Variants in PREPL observed in about 807,000 individuals in gnomAD.
PREPL encodes the protein prolyl endopeptidase-like.
A neutral mutation model predicts 70.6 loss-of-function variants in PREPL; 77 were observed. That is an observed-to-expected ratio of 1.09 (90% confidence interval 0.91 to 1.32). The LOEUF is 1.32. Among genes scored for constraint, PREPL ranks in the 40% most tolerant of loss-of-function variants. PREPL has a pLI of 0.00. For missense variants in PREPL, 1,002 were observed against 778.2 expected (o/e 1.29, Z -3.42); for synonymous variants, 315 against 264.8 (o/e 1.19, Z -1.84).
chr2:44,329,800 T>A (rs1673905507), intron 8 of PREPL, among the ~76,000 whole-genome samples: 2 of 152,196 alleles, frequency 1.3e-5, no homozygotes, highest in South Asian at 2.1e-4. Flanking sequence ...CTCAAACTCA[T>A]CAGTTCCAGT....
At position 44,329,059 on chromosome 2, in the gene PREPL, C is replaced by A. The variant is rs779284448; in HGVS notation, c.1140G>T (p.Leu380Phe). The A allele has an allele frequency of 2.5e-6, 4 of 1,612,064 alleles. No individual in the cohort carries two copies. In the South Asian group the frequency reaches 3.3e-5, roughly 13 times the overall value. ...TVFHKTDSED[L>F]QKKPLLVHVY... ...CATGTACCAAGAGAGGTTTCTTCTGCAAGTCCTCAGAGTCAGTTTTGTGGA... is the reference window on the plus strand; with the variant it reads ...CATGTACCAAGAGAGGTTTCTTCTGAAAGTCCTCAGAGTCAGTTTTGTGGA... The change falls in exon 9 of 14, where the codon TTG (leucine) becomes TTT (phenylalanine). Residue 380 changes from leucine to phenylalanine, a missense_variant. Coordinates refer to ENST00000409411, the MANE Select transcript of PREPL (RefSeq NM_001171613.2).
At chr2:44,321,597 C>G in intron 13 of PREPL, 152 bp from the exon 14 acceptor site, 1 of 1,484,154 alleles carries the variant, frequency 6.7e-7, no homozygotes, top group South Asian at 1.4e-5. Context: ...CAGAAGGCTT[C>G]CAACAATTAA....
intron 7 of PREPL, among the ~76,000 whole-genome samples, chr2:44,333,122 A>G (rs370493807): frequency 1.8e-4 from 27 of 152,302 alleles, no homozygotes; most frequent in African/African-American, 6.5e-4. Flanking sequence ...CACAGTGATG[A>G]CAGTTATTAT....
intron 1 of PREPL, among the ~76,000 whole-genome samples, chr2:44,352,230 C>T (rs1676520388): frequency 6.6e-6 from 1 of 152,128 alleles, no homozygotes; most frequent in African/African-American, 2.4e-5. Flanking sequence ...ATAACTATCG[C>T]TTTTGACCCA....
chr2:44,344,557 T>C lies in PREPL; in HGVS notation c.105A>G (p.Gln35=), dbSNP rs780932392. ...TGGAACGAACCAAGCAACAACCTTC[T>C]TGGTAATAAACAAAACCACCATGTT... ...EVKHGGFVYY[Q]EGCCLVRSKD... The change falls in exon 3 of 14, where the codon CAA becomes CAG. Residue 35 remains glutamine, a synonymous_variant. Transcript: ENST00000409411. 8.1e-6 allele frequency: 13 copies of C among 1,604,488 alleles called. 1 individual carries two copies. In the Admixed American group the frequency reaches 1.2e-4, roughly 15 times the overall value.
rs746876334 is a variant in PREPL at position 44,332,551 on chromosome 2, T to G, written c.994A>C (p.Lys332Gln). The G allele has an allele frequency of 6.2e-7, 1 of 1,613,848 alleles. No individual in the cohort carries two copies. Among genetic ancestry groups the G allele is most frequent in the Non-Finnish European group, 8.5e-7 (1 of 1,179,710 alleles). ...PIRPPKYYTY[K>Q]FAEGKLFEET... Reference sequence around the variant, plus strand: ...TCAAACAGTTTGCCTTCTGCAAACTTGTATGTGTAATATTTTGGGGGACGT... The same window carrying G: ...TCAAACAGTTTGCCTTCTGCAAACTGGTATGTGTAATATTTTGGGGGACGT... Residue 332 changes from lysine to glutamine, a missense_variant, in exon 8 of 14, where the codon AAG becomes CAG. Lys to Gln is a moderately conservative substitution (Grantham distance 53). Coordinates refer to ENST00000409411, the MANE Select transcript of PREPL (RefSeq NM_001171613.2).
intron 10 of PREPL, among the ~76,000 whole-genome samples, chr2:44,325,777 T>TA (rs1388527823): frequency 6.6e-6 from 1 of 152,142 alleles, no homozygotes; most frequent in Non-Finnish European, 1.5e-5. Flanking sequence ...AACCTCAAAA[T>TA]AAAAAATCCT....
rs139126708 is a variant in PREPL at position 44,334,418 on chromosome 2, G to A, written c.889-1762C>T. Among the ~76,000 whole-genome samples the A allele has an allele frequency of 1.5e-4, 23 of 152,150 alleles. No individual in the cohort carries two copies. In the East Asian group the frequency reaches 3.9e-3, roughly 25 times the overall value. The stretch of plus-strand genomic sequence containing the variant: ...GCATACAGCAAAAAACGTCCCAACT[G>A]GCCTAAATTAAATATCATAACTTCT... On this transcript the variant is annotated intron_variant, in intron 7 of 13. Coordinates refer to ENST00000409411, the MANE Select transcript of PREPL (RefSeq NM_001171613.2).
chr2:44,323,211 ATTATC>A, intron 11 of PREPL, 46 bp downstream of exon 11: 3 of 1,468,822 alleles, frequency 2.0e-6, no homozygotes, highest in Non-Finnish European at 2.7e-6. Context: ...TTTTTTTTTT[ATTATC>A]TTCTGTGTAA....
chr2:44,346,491 C>T, intron 1 of PREPL, 101 bp from the exon 2 acceptor site: 2 of 1,030,000 alleles, frequency 1.9e-6, no homozygotes, highest in Non-Finnish European at 2.9e-6. Context: ...TAACGTTGTA[C>T]AAAAAAGAAA....
In PREPL at chr2:44,339,318, G is replaced by A. The variant is rs1239756912; in HGVS notation, c.531C>T (p.Thr177=). The change falls in exon 6 of 14, where the codon ACC becomes ACT. Residue 177 remains threonine, a synonymous_variant. Coordinates refer to ENST00000409411, the MANE Select transcript of PREPL (RefSeq NM_001171613.2). ...LYLTKDSRFL[T]INIMNKTTSE... is the part of the protein sequence containing the mutation. ...AAGTAGTCTTGTTCATAATATTTAT[G>A]GTGAGGAAACGACTGTCTTTTGTAA... The A allele has an allele frequency of 1.2e-6, 2 of 1,613,908 alleles. No individual in the cohort carries two copies. The highest frequency in any genetic ancestry group is 1.7e-5 in the Admixed American group (1 of 59,968).
At chr2:44,322,959 T>C (rs1431513677) in intron 11 of PREPL, 105 bp from the exon 12 acceptor site, 1 of 1,437,536 alleles carries the variant, frequency 7.0e-7, no homozygotes, top group East Asian at 2.3e-5. Context: ...CTGTAAGTGC[T>C]CTATGCTTTT....
At chr2:44,350,733 G>A (rs562206284) in intron 1 of PREPL, among the ~76,000 whole-genome samples, 1 of 152,202 alleles carries the variant, frequency 6.6e-6, no homozygotes, top group South Asian at 2.1e-4. Context: ...TTATGCCACT[G>A]ACTGCTCCTG....
At chr2:44,344,426 A>C in intron 3 of PREPL, 94 bp downstream of exon 3, 1 of 972,408 alleles carries the variant, frequency 1.0e-6, no homozygotes, top group East Asian at 2.8e-5. Context: ...TCTTTAAAAA[A>C]ATCTTTTCTC....
At chr2:44,323,496 ATAC>A (rs1673189447) in intron 10 of PREPL, 85 bp from the exon 11 acceptor site, 29 of 1,094,042 alleles carry the variant, frequency 2.7e-5, no homozygotes, top group Non-Finnish European at 7.6e-6. Context: ...ATGAATATAC[ATAC>A]TAATATGAGA....
chr2:44,342,784 G>A (rs1675370643), intron 4 of PREPL, among the ~76,000 whole-genome samples: 1 of 152,064 alleles, frequency 6.6e-6, no homozygotes, highest in African/African-American at 2.4e-5. Context: ...TCAGTCTCAG[G>A]GTACTCAGGT....
chr2:44,361,524 C>A (rs1677818326), upstream of PREPL: 1 of 153,904 alleles, frequency 6.5e-6, no homozygotes, highest in Non-Finnish European at 1.5e-5. Context: ...GACAACTTAC[C>A]CAGAGCCGCC....
At chr2:44,336,354 C>G (rs1167907979) in intron 7 of PREPL, among the ~76,000 whole-genome samples, 1 of 152,126 alleles carries the variant, frequency 6.6e-6, no homozygotes, top group African/African-American at 2.4e-5. Flanking sequence ...GAATACTACA[C>G]AGCCATAAAA....
chr2:44,320,319 G>A lies in PREPL; in HGVS notation c.*1037C>T, dbSNP rs760582130. On this transcript the variant is annotated 3_prime_UTR_variant, in exon 14 of 14. Coordinates refer to ENST00000409411, the MANE Select transcript of PREPL (RefSeq NM_001171613.2). ...CCATTTGAGGAATGACAGCCACTAT[G>A]TTGTGTACACAAGAGAGCTGGATGG... The A allele has an allele frequency of 6.2e-7, 1 of 1,614,152 alleles. No homozygotes were observed. Among genetic ancestry groups the A allele is most frequent in the East Asian group, 2.2e-5 (1 of 44,882 alleles).
Sources: gnomAD v4.1 joint callset for allele counts (sites outside exome capture counted in the v4.1 genomes callset) on GRCh38, gnomAD v4.1.1 for gene constraint, MANE v1.5 for transcripts, NCBI Gene and HGNC (gene_info 2026-07-23, HGNC 2026-07-21) for gene names.